GGT6: variants seen among roughly 807,000 people sequenced by gnomAD.
The protein encoded by GGT6 is glutathione hydrolase 6.
GGT6 carries 13 observed loss-of-function variants against 17.0 expected under a neutral mutation model. The ratio of observed to expected loss-of-function variants is 0.77; its 90% CI spans 0.50 to 1.22. GGT6 has a LOEUF of 1.22. Ranked by LOEUF, GGT6 falls within the 50% of genes most tolerant of loss-of-function variation. The pLI is 0.00. For missense variants in GGT6, 628 were observed against 643.7 expected, an observed-to-expected ratio of 0.98 and a Z score of 0.26; for synonymous variants, 305 against 297.9, an observed-to-expected ratio of 1.02 and a Z score of -0.25.
At chr17:4,556,811 C>T (rs1054308345), downstream of GGT6, 3 of 152,226 alleles carry the variant, frequency 2.0e-5, no homozygotes, top group Non-Finnish European at 2.9e-5. Context: ...CTGAAAGATA[C>T]CAACCCAGGC....
chr17:4,559,742 C>T lies in GGT6; in HGVS notation c.159G>A (p.Leu53=). 4 of 1,611,306 alleles carry T rather than the reference C, an allele frequency of 2.5e-6. No individual in the cohort carries two copies. The highest frequency in any genetic ancestry group is 3.4e-6 in the Non-Finnish European group (4 of 1,179,844). The change falls in exon 2 of 4, where the codon CTG becomes CTA. Residue 53 remains leucine, a synonymous_variant. Coordinates refer to ENST00000381550, the MANE Select transcript of GGT6 (RefSeq NM_001288702.2). ...QDSSRNKAGG[L]PGTWARVVAA... ...CCACTACACGGGCCCAGGTTCCGGG[C>T]AGCCCGCCAGCCTTGTTCCTGCAGA...
intron 3 of GGT6, 39 bp downstream of exon 3, chr17:4,559,304 G>A (rs1264218676): frequency 2.1e-6 from 3 of 1,463,104 alleles, no homozygotes; most frequent in Admixed American, 2.0e-5. Context: ...TGATCAGGCT[G>A]TGGGTTGGGG....
intron 1 of GGT6, 62 bp downstream of exon 1, chr17:4,560,320 A>G (rs940331273): frequency 6.3e-7 from 1 of 1,599,906 alleles, no homozygotes; most frequent in Admixed American, 1.7e-5. Context: ...GGGGCTCCAG[A>G]GAGAGGGACT....
In GGT6 at chr17:4,559,394, C is replaced by T; in HGVS notation, c.406G>A (p.Val136Ile). Residue 136 changes from valine (V) to isoleucine (I), a missense_variant, in exon 3 of 4, where the codon GTT becomes ATT. Transcript: ENST00000381550. ...ACTGCCAGGCACAATGCAGCTCCAA[C>T]TCCAGCATCCACGACGTTGCCCCCG... ...VAGGNVVDAG[V>I]GAALCLAVVH... 6.4e-7 allele frequency: 1 copy of T among 1,551,740 alleles called. No individual in the cohort carries two copies. Among genetic ancestry groups the T allele is most frequent in the Non-Finnish European group, 8.7e-7 (1 of 1,147,012 alleles).
rs1377298937 is a variant in GGT6, at chr17:4,558,066, G to A, written c.1449C>T (p.His483=). 8.8e-6 allele frequency: 14 copies of A among 1,589,992 alleles called. No homozygotes were observed. Among genetic ancestry groups the A allele is most frequent in the South Asian group, 3.5e-5 (3 of 86,426 alleles). Residue 483 remains histidine, a synonymous_variant, in exon 4 of 4, where the codon CAC becomes CAT. Coordinates refer to ENST00000381550, the MANE Select transcript of GGT6 (RefSeq NM_001288702.2). ...TLLQVAAHTE[H]AHVSSVPHAC... is the part of the protein sequence containing the mutation. ...CATGGGGGACACTGGAGACATGGGC[G>A]TGCTCTGTGTGGGCTGCCACCTGGA...
intron 1 of GGT6, chr17:4,560,042 G>A: frequency 8.6e-6 from 5 of 579,704 alleles, no homozygotes; most frequent in South Asian, 8.2e-5. Flanking sequence ...GTGGCAGGCA[G>A]GAGAGAAGGG....
chr17:4,559,659 T>C lies in GGT6; in HGVS notation c.242A>G (p.Gln81Arg), dbSNP rs1908491855. 5 of 1,613,222 alleles carry C rather than the reference T, an allele frequency of 3.1e-6. No homozygotes were observed. Among genetic ancestry groups the C allele is most frequent in the Non-Finnish European group, 4.2e-6 (5 of 1,180,016 alleles). The change falls in exon 2 of 4, where the codon CAG becomes CGG. Residue 81 changes from glutamine to arginine, a missense_variant. By Grantham distance (43) the Gln-to-Arg change is conservative (BLOSUM62 1). Transcript: ENST00000381550. ...CSLAVRQLQN[Q>R]GRSTGSLGSV... ...GCCCAAGCTTCCTGTCGACCTGCCC[T>C]GATTCTGGAGCTGCCTCACAGCCAG...
chr17:4,560,074 G>C (rs1458175646), intron 1 of GGT6: 1 of 571,602 alleles, frequency 1.7e-6, no homozygotes, highest in African/African-American at 1.9e-5. Flanking sequence ...GGCCCAGCCA[G>C]GCGTAGTCAG....
Position 4,558,126 on chromosome 17 carries a change from TGTTG to T in GGT6, c.1385_1388del (p.Pro462GlnfsTer51). The T allele has an allele frequency of 6.2e-7, 1 of 1,613,348 alleles. No individual in the cohort carries two copies. The highest frequency in any genetic ancestry group is 8.5e-7 in the Non-Finnish European group (1 of 1,179,582). On this transcript the variant is annotated frameshift_variant, in exon 4 of 4. Transcript: ENST00000381550. LOFTEE classifies it high-confidence loss of function. ...CTTGGCCACAAGTGCTGGGATGCTCTGTTGGTTCTTGCTGACCCTGATGCTGGTG... is the reference window on the plus strand; with the variant it reads ...CTTGGCCACAAGTGCTGGGATGCTCTGTTCTTGCTGACCCTGATGCTGGTG...
Position 4,560,445 on chromosome 17 carries a change from A to G in GGT6, c.77T>C (p.Val26Ala). 1.2e-6 allele frequency: 2 copies of G among 1,613,660 alleles called. No homozygotes were observed. Among genetic ancestry groups the G allele is most frequent in the South Asian group, 1.1e-5 (1 of 91,076 alleles). Reference sequence around the variant, plus strand: ...CGCCTCTGATGTCTCCTCCTCCTCCACTTCCTCCTCCGACTCCAAGCTTGG... The same window carrying G: ...CGCCTCTGATGTCTCCTCCTCCTCCGCTTCCTCCTCCGACTCCAAGCTTGG... ...WEPSLESEEE[V>A]EEEETSEALV... The change falls in exon 1 of 4, where the codon GTG becomes GCG. Residue 26 changes from valine to alanine, a missense_variant. Physicochemically the swap from Val to Ala is moderately conservative, Grantham distance 64. Coordinates refer to ENST00000381550, the MANE Select transcript of GGT6 (RefSeq NM_001288702.2).
In GGT6 at chr17:4,560,478, G is replaced by A. The variant is rs1456526998; in HGVS notation, c.44C>T (p.Pro15Leu). Residue 15 changes from proline (P) to leucine (L), a missense_variant, in exon 1 of 4, where the codon CCC becomes CTC. Coordinates refer to ENST00000381550, the MANE Select transcript of GGT6 (RefSeq NM_001288702.2). ...EEPVVYQKLL[P>L]WEPSLESEEE... The stretch of plus-strand genomic sequence containing the variant: ...CTCCGACTCCAAGCTTGGCTCCCAG[G>A]GCAGCAGCTTCTGATAGACCACGGG... The A allele has an allele frequency of 2.5e-6, 4 of 1,613,468 alleles. No individual in the cohort carries two copies. Among genetic ancestry groups the A allele is most frequent in the African/African-American group, 2.7e-5 (2 of 74,932 alleles).
chr17:4,556,375 A>C (rs1908117754), downstream of GGT6, among the ~76,000 whole-genome samples: 1 of 152,054 alleles, frequency 6.6e-6, no homozygotes, highest in Admixed American at 6.5e-5. Context: ...GGGAGAGGAA[A>C]TGAGGGGGAT....
rs774068277 is a variant in GGT6 at position 4,558,885 on chromosome 17, G to T, written c.630C>A (p.Gly210=). 1 of 1,547,672 alleles carries T rather than the reference G, an allele frequency of 6.5e-7. No homozygotes were observed. The highest frequency in any genetic ancestry group is 2.4e-5 in the East Asian group (1 of 40,890). Reference sequence around the variant, plus strand: ...AGCCCTCCTGAGCCAGCGTGGTGGGGCCCACTAGCAGGCGTGGCCAGGGCA... The same window carrying T: ...AGCCCTCCTGAGCCAGCGTGGTGGGTCCCACTAGCAGGCGTGGCCAGGGCA... ...GRLPWPRLLV[G]PTTLAQEGFL... The change falls in exon 4 of 4, where the codon GGC becomes GGA. Residue 210 remains glycine, a synonymous_variant. Coordinates refer to ENST00000381550, the MANE Select transcript of GGT6 (RefSeq NM_001288702.2).
In GGT6 at chr17:4,558,321, C is replaced by G. The variant is rs1330542593; in HGVS notation, c.1194G>C (p.Lys398Asn). The G allele has an allele frequency of 1.2e-6, 2 of 1,612,002 alleles. No individual in the cohort carries two copies. Among genetic ancestry groups the G allele is most frequent in the Non-Finnish European group, 8.5e-7 (1 of 1,180,032 alleles). The change falls in exon 4 of 4, where the codon AAG (lysine) becomes AAC (asparagine). Residue 398 changes from lysine to asparagine, a missense_variant. Coordinates refer to ENST00000381550, the MANE Select transcript of GGT6 (RefSeq NM_001288702.2). ...TGVLLSNLVA[K>N]STTSAWACPL... is the part of the protein sequence containing the mutation. ...GGCAGGCCCAGGCACTAGTGGTAGA[C>G]TTGGCCACCAGGTTGCTGAGCAGAA... is the stretch of plus-strand genomic sequence containing the variant.
Position 4,560,417 on chromosome 17 carries a change from C to A in GGT6, c.105G>T (p.Leu35=). 2 of 1,614,138 alleles carry A rather than the reference C, an allele frequency of 1.2e-6. No homozygotes were observed. Among genetic ancestry groups the A allele is most frequent in the Non-Finnish European group, 1.7e-6 (2 of 1,180,022 alleles). ...EVEEEETSEA[L]VLNPRRHQDS... is the part of the protein sequence containing the mutation. ...CCTGGTGCCTCCGGGGGTTTAGAACCAGCGCCTCTGATGTCTCCTCCTCCT... is the reference window on the plus strand; with the variant it reads ...CCTGGTGCCTCCGGGGGTTTAGAACAAGCGCCTCTGATGTCTCCTCCTCCT... Residue 35 remains leucine (L), a synonymous_variant, in exon 1 of 4, where the codon CTG becomes CTT. Transcript: ENST00000381550.
intron 1 of GGT6, 63 bp from the exon 2 acceptor site, chr17:4,559,823 AC>A: frequency 6.9e-7 from 1 of 1,456,026 alleles, no homozygotes; most frequent in Non-Finnish European, 9.5e-7. Context: ...ACCCCAAGAG[AC>A]CCCAGGGAAT....
Position 4,557,042 on chromosome 17 carries a change from C to G in GGT6, c.*973G>C, listed in dbSNP as rs554938962. On this transcript the variant is annotated 3_prime_UTR_variant, in exon 4 of 4. Transcript: ENST00000381550. ...CAACAGTACCCTGGGCTCTGCCTGT[C>G]CTGCTTCGTGGGGCCCAGGGCCTAG... 1.3e-5 allele frequency: 2 copies of G among 152,374 alleles called. No individual in the cohort carries two copies. Among genetic ancestry groups the G allele is most frequent in the African/African-American group, 4.8e-5 (2 of 41,566 alleles). The allele number at this position is 152,374 out of a possible 1,614,324, so 9.4% of individuals were successfully genotyped here.
At position 4,558,373 on chromosome 17, in the gene GGT6, G is replaced by C. The variant is rs1364900083; in HGVS notation, c.1142C>G (p.Ser381Cys). 1 of 1,606,014 alleles carries C rather than the reference G, an allele frequency of 6.2e-7. No homozygotes were observed. The highest frequency in any genetic ancestry group is 1.3e-5 in the African/African-American group (1 of 74,944). The change falls in exon 4 of 4, where the codon TCT becomes TGT. Residue 381 changes from serine to cysteine, a missense_variant. Coordinates refer to ENST00000381550, the MANE Select transcript of GGT6 (RefSeq NM_001288702.2). ...CCCAGTGCTTGGGGACAGGTGTGCAGAGCCAAAGGAGCAGTTGAGCGAGGA... is the reference window on the plus strand; with the variant it reads ...CCCAGTGCTTGGGGACAGGTGTGCACAGCCAAAGGAGCAGTTGAGCGAGGA... The part of the protein sequence containing the change: ...LTSSLNCSFG[S>C]AHLSPSTGVL...
rs201521471 is a variant in GGT6, at chr17:4,560,529, C to T, written c.-8G>A. On this transcript the variant is annotated 5_prime_UTR_variant, in exon 1 of 4. Transcript: ENST00000381550. ...CTCTTCTGCCCGCTCCATGGCCCCC[C>T]AGTGCTCGCCCCAGCCCTCCTGCCT... 9.4e-5 allele frequency: 151 copies of T among 1,608,476 alleles called. No homozygotes were observed. The African/African-American group carries it at 1.7e-3, about 18-fold the overall frequency.
Sources: gnomAD v4.1 joint callset for allele counts (sites outside exome capture counted in the v4.1 genomes callset) on GRCh38, gnomAD v4.1.1 for gene constraint, MANE v1.5 for transcripts, NCBI Gene and HGNC (gene_info 2026-07-23, HGNC 2026-07-21) for gene names.